The following ACOXL variants were observed in gnomAD, a reference collection of about 807,000 sequenced individuals.
ACOXL encodes the protein acyl-coenzyme A oxidase-like protein.
A neutral mutation model predicts 71.9 loss-of-function variants in ACOXL; 70 were observed. The observed-to-expected ratio is 0.97, with a 90% CI of 0.80 to 1.19. ACOXL has a LOEUF of 1.19. Ranked by LOEUF, ACOXL falls within the 50% of genes most tolerant of loss-of-function variation. The probability of loss-of-function intolerance (pLI) is 0.00; values close to 1 mark genes in which losing one functional copy is unlikely to be tolerated. For missense variants in ACOXL, 703 were observed against 736.3 expected, an observed-to-expected ratio of 0.95 and a Z score of 0.52; for synonymous variants, 253 against 281.6, an observed-to-expected ratio of 0.90 and a Z score of 1.02.
chr2:111,049,222 C>G lies in ACOXL; in HGVS notation c.1374C>G (p.Thr458=). ...TTTCCATTTCTTCCCTTCCAGTTACCTTAGAGCAGTTCTCCCTAGCAGTGA... is the reference window on the plus strand; with the variant it reads ...TTTCCATTTCTTCCCTTCCAGTTACGTTAGAGCAGTTCTCCCTAGCAGTGA... The part of the protein sequence containing the change: ...SLSLAHTHRV[T]LEQFSLAVKS... The change falls in exon 16 of 18, where the codon ACC becomes ACG. Residue 458 remains threonine (T), a synonymous_variant. Coordinates refer to ENST00000439055, the MANE Select transcript of ACOXL (RefSeq NM_001142807.4). 6.2e-7 allele frequency: 1 copy of G among 1,610,392 alleles called. No homozygotes were observed. The highest frequency in any genetic ancestry group is 8.5e-7 in the Non-Finnish European group (1 of 1,176,672).
intron 9 of ACOXL, among the ~76,000 whole-genome samples, chr2:110,817,245 T>C (rs1285633960): frequency 1.3e-5 from 2 of 152,190 alleles, no homozygotes; most frequent in Non-Finnish European, 2.9e-5. Flanking sequence ...CATTCAGTGC[T>C]CACAGCAACT....
At chr2:110,791,364 G>A (rs983557828) in intron 3 of ACOXL, among the ~76,000 whole-genome samples, 7 of 152,240 alleles carry the variant, frequency 4.6e-5, no homozygotes, top group African/African-American at 1.7e-4. Flanking sequence ...TAAAGAGGAG[G>A]AAAGGATTTA....
At chr2:111,090,981 C>G (rs1312462609) in intron 16 of ACOXL, among the ~76,000 whole-genome samples, 1 of 152,152 alleles carries the variant, frequency 6.6e-6, no homozygotes, top group Non-Finnish European at 1.5e-5. Flanking sequence ...AGAGGTCCTT[C>G]ACATCCCTTG....
chr2:111,031,510 A>C (rs2065263628), intron 14 of ACOXL, 117 bp from the exon 15 acceptor site: 10 of 858,152 alleles, frequency 1.2e-5, no homozygotes, highest in Non-Finnish European at 1.5e-5. Flanking sequence ...AAGGTTCTGC[A>C]CTGTGTCCAT....
At chr2:111,064,652 G>A (rs1359276194) in intron 16 of ACOXL, among the ~76,000 whole-genome samples, 2 of 152,108 alleles carry the variant, frequency 1.3e-5, no homozygotes, top group African/African-American at 4.8e-5. Context: ...AAATATTTTT[G>A]ATCTGTGATT....
At chr2:111,050,263 A>T (rs1423939091) in intron 16 of ACOXL, among the ~76,000 whole-genome samples, 5 of 137,424 alleles carry the variant, frequency 3.6e-5, no homozygotes, top group African/African-American at 8.8e-5. Flanking sequence ...TTTGGTCTTT[A>T]AAAAAAAAAA....
intron 8 of ACOXL, among the ~76,000 whole-genome samples, chr2:110,803,406 C>T (rs1443525000): frequency 6.6e-6 from 1 of 152,166 alleles, no homozygotes. Context: ...AGAGCCAAGA[C>T]AATTCAATGG....
chr2:110,791,942 C>T (rs1337070143), intron 3 of ACOXL, among the ~76,000 whole-genome samples: 1 of 152,164 alleles, frequency 6.6e-6, no homozygotes, highest in Non-Finnish European at 1.5e-5. Flanking sequence ...CTGGTCTCTG[C>T]CATCTCTCAA....
In ACOXL at chr2:111,071,737, TG is replaced by T. The variant is rs2067352937; in HGVS notation, c.1441-21126del. 2.0e-5 allele frequency among the ~76,000 whole-genome samples: 3 copies of T among 152,266 alleles called. No individual in the cohort carries two copies. In the East Asian group the frequency reaches 5.8e-4, roughly 29 times the overall value. Reference sequence around the variant, plus strand: ...CCTGCTTATTATGCAGCTCAGGCCATGGAGATGGGCTGCCTGCTTGTCATAA... The same window carrying T: ...CCTGCTTATTATGCAGCTCAGGCCATGAGATGGGCTGCCTGCTTGTCATAA... On this transcript the variant is annotated intron_variant, in intron 16 of 17. Coordinates refer to ENST00000439055, the MANE Select transcript of ACOXL (RefSeq NM_001142807.4).
At chr2:110,756,132 C>CT (rs897937353) in intron 1 of ACOXL, among the ~76,000 whole-genome samples, 30 of 148,592 alleles carry the variant, frequency 2.0e-4, no homozygotes, top group South Asian at 1.5e-3. Flanking sequence ...CTTAAGGCCT[C>CT]TTTTTTTTTT....
intron 12 of ACOXL, among the ~76,000 whole-genome samples, chr2:110,966,825 C>G (rs2061952137): frequency 6.6e-6 from 1 of 152,226 alleles, no homozygotes; most frequent in Non-Finnish European, 1.5e-5. Context: ...GGGAACAGAA[C>G]TTGCCCCCAA....
In ACOXL at chr2:110,805,286, G is replaced by A; in HGVS notation, c.644G>A (p.Gly215Glu). The part of the protein sequence containing the change: ...LDKFGSVAPD[G>E]QYHSPIRNKS... ...AGGTTTGGTTCCGTGGCTCCAGATG[G>A]ACAGTACCATTCGCCTATTAGGAAC... is the stretch of plus-strand genomic sequence containing the variant. Residue 215 changes from glycine to glutamate, a missense_variant, in exon 9 of 18, where the codon GGA becomes GAA. Transcript: ENST00000439055. 1.2e-6 allele frequency: 2 copies of A among 1,614,180 alleles called. No homozygotes were observed. Among genetic ancestry groups the A allele is most frequent in the Non-Finnish European group, 1.7e-6 (2 of 1,180,040 alleles).
chr2:111,011,387 A>C (rs2149670336), intron 14 of ACOXL, among the ~76,000 whole-genome samples: 1 of 152,354 alleles, frequency 6.6e-6, no homozygotes, highest in East Asian at 1.9e-4. Flanking sequence ...ACTTATACCC[A>C]ACAATATCAA....
In ACOXL at chr2:111,003,277, C is replaced by T. The variant is rs527922791; in HGVS notation, c.1281+7273C>T. Among the ~76,000 whole-genome samples the T allele has an allele frequency of 3.3e-5, 5 of 152,010 alleles. No homozygotes were observed. The South Asian group carries it at 6.3e-4, about 19-fold the overall frequency. Reference sequence around the variant, plus strand: ...TAGAATCACTGGACTAGGCTGGGTGCGGTGGCTCACGCCTGTAATCCCAGC... The same window carrying T: ...TAGAATCACTGGACTAGGCTGGGTGTGGTGGCTCACGCCTGTAATCCCAGC... On this transcript the variant is annotated intron_variant, in intron 14 of 17. Coordinates refer to ENST00000439055, the MANE Select transcript of ACOXL (RefSeq NM_001142807.4).
At chr2:111,022,722 A>G (rs1248818762) in intron 14 of ACOXL, among the ~76,000 whole-genome samples, 1 of 152,182 alleles carries the variant, frequency 6.6e-6, no homozygotes, top group Non-Finnish European at 1.5e-5. Context: ...GCCAGGGCCA[A>G]CCAGGAGGCA....
chr2:110,783,672 C>G (rs753272448), intron 2 of ACOXL, among the ~76,000 whole-genome samples: 14 of 151,966 alleles, frequency 9.2e-5, no homozygotes, highest in Non-Finnish European at 1.5e-4. Flanking sequence ...CACATATAGA[C>G]ACACACATGC....
At chr2:110,802,515 T>A (rs1307455562) in intron 8 of ACOXL, among the ~76,000 whole-genome samples, 3 of 152,228 alleles carry the variant, frequency 2.0e-5, no homozygotes, top group Non-Finnish European at 2.9e-5. Flanking sequence ...GCTTTACTCC[T>A]TTTTGTTGCC....
At chr2:111,068,204 A>G (rs1277623318) in intron 16 of ACOXL, among the ~76,000 whole-genome samples, 1 of 152,118 alleles carries the variant, frequency 6.6e-6, no homozygotes, top group Admixed American at 6.6e-5. Context: ...CAGGAGAAAA[A>G]AGGTGTTGGA....
At chr2:110,860,514 A>T (rs943014537) in intron 10 of ACOXL, among the ~76,000 whole-genome samples, 61 of 152,334 alleles carry the variant, frequency 4.0e-4, no homozygotes, top group East Asian at 3.3e-3. Flanking sequence ...CACCTTGGTC[A>T]TTTGGACCTT....
Sources: allele counts gnomAD v4.1 joint callset (sites outside exome capture counted in the v4.1 genomes callset), GRCh38; gene constraint gnomAD v4.1.1; transcripts MANE v1.5; gene names NCBI Gene and HGNC (gene_info 2026-07-23, HGNC 2026-07-21).